Variants in ASZ1 observed in about 807,000 individuals in gnomAD.
The protein encoded by ASZ1 is ankyrin repeat, SAM and basic leucine zipper domain-containing protein 1.
A neutral mutation model predicts 61.8 loss-of-function variants in ASZ1; 67 were observed. That is an observed-to-expected ratio of 1.08 (90% confidence interval 0.89 to 1.33). The LOEUF is 1.33. ASZ1 is among the 40% of genes most tolerant of loss of function. The pLI, the probability that ASZ1 is intolerant of heterozygous loss-of-function variation, is 0.00. For synonymous variants in ASZ1, 193 were observed against 192.7 expected, an observed-to-expected ratio of 1.00 and a Z score of -0.01; for missense variants, 577 against 554.5, an observed-to-expected ratio of 1.04 and a Z score of -0.41.
At chr7:117,397,500 T>G (rs1247550586) in intron 4 of ASZ1, among the ~76,000 whole-genome samples, 2 of 152,186 alleles carry the variant, frequency 1.3e-5, no homozygotes, top group East Asian at 3.8e-4. Flanking sequence ...AAATATCTAG[T>G]GCTGTCACTA....
intron 4 of ASZ1, among the ~76,000 whole-genome samples, chr7:117,416,661 A>G (rs1639211196): frequency 6.6e-6 from 1 of 152,216 alleles, no homozygotes; most frequent in Non-Finnish European, 1.5e-5. Flanking sequence ...TTCTGGAGTG[A>G]TAGAAATATC....
At chr7:117,384,917 C>G in intron 5 of ASZ1, 57 bp from the exon 6 acceptor site, 1 of 1,430,166 alleles carries the variant, frequency 7.0e-7, no homozygotes. Context: ...ATGAGACAGA[C>G]AGGAAAAGTT....
rs1796341553 is a variant in ASZ1 at position 117,385,740 on chromosome 7, A to C, written c.510T>G (p.Ala170=). ...CCTGGGTATTAACTTCTGCTCCATG[A>C]GCAACAAGGAGAGCAACAACCTGGG... is the stretch of plus-strand genomic sequence containing the variant. ...GHTQVVALLV[A]HGAEVNTQDE... The change falls in exon 5 of 13, where the codon GCT becomes GCG. Residue 170 remains alanine (A), a synonymous_variant. Transcript: ENST00000284629. 6.2e-7 allele frequency: 1 copy of C among 1,613,286 alleles called. No homozygotes were observed. Among genetic ancestry groups the C allele is most frequent in the African/African-American group, 1.3e-5 (1 of 75,008 alleles).
chr7:117,393,233 TTA>T (rs1177197934), intron 4 of ASZ1, among the ~76,000 whole-genome samples: 1 of 152,166 alleles, frequency 6.6e-6, no homozygotes, highest in Non-Finnish European at 1.5e-5. Flanking sequence ...TGCATGTAAA[TTA>T]TGTTAAAGTC....
chr7:117,425,366 C>T (rs1797181227), intron 2 of ASZ1, among the ~76,000 whole-genome samples: 1 of 145,074 alleles, frequency 6.9e-6, no homozygotes, highest in East Asian at 2.2e-4. Context: ...CCCGGGTTCA[C>T]GCCATTCTCC....
chr7:117,401,027 G>A (rs904248423), intron 4 of ASZ1, among the ~76,000 whole-genome samples: 2 of 152,122 alleles, frequency 1.3e-5, no homozygotes, highest in Non-Finnish European at 2.9e-5. Context: ...ACCAGGCATC[G>A]TAAATTGTAG....
Position 117,427,450 on chromosome 7 carries a change from C to A in ASZ1, c.11G>T (p.Ser4Ile), listed in dbSNP as rs766996752. Residue 4 changes from serine to isoleucine, a missense_variant, in exon 1 of 13, where the codon AGC becomes ATC. Ser to Ile is a moderately radical substitution (Grantham distance 142). Transcript: ENST00000284629. The stretch of plus-strand genomic sequence containing the variant: ...AGCCACTGGCAGGCCTCGCAGCGCG[C>A]TCGCCGCCATGCCAGCCAAGGAAGC... MAA[S>I]ALRGLPVAGG... 5.0e-6 allele frequency: 8 copies of A among 1,613,720 alleles called. No homozygotes were observed. The African/African-American group carries it at 9.3e-5, about 19-fold the overall frequency.
rs568708136 is a variant in ASZ1, at chr7:117,382,986, C to T, written c.812G>A (p.Ser271Asn). Residue 271 changes from serine to asparagine, a missense_variant and splice_region_variant, in exon 7 of 13, where the codon AGT becomes AAT. Ser to Asn is a conservative substitution (Grantham distance 46). Transcript: ENST00000284629. ...DSDREKDHIF[S>N]SYTAFGDLEV... ...GTTGAACTAAAACATGCTATATTAC[C>T]TAAAAATGTGATCTTTTTCTCTATC... is the stretch of plus-strand genomic sequence containing the variant. 6.4e-7 allele frequency: 1 copy of T among 1,561,292 alleles called. No individual in the cohort carries two copies. The highest frequency in any genetic ancestry group is 2.4e-5 in the East Asian group (1 of 41,944).
intron 6 of ASZ1, among the ~76,000 whole-genome samples, chr7:117,384,055 C>G (rs992446630): frequency 1.3e-5 from 2 of 151,940 alleles, no homozygotes; most frequent in African/African-American, 4.8e-5. Flanking sequence ...CTTTCAAATT[C>G]GGGAACTCAG....
chr7:117,370,002 G>A (rs576867250), intron 10 of ASZ1, among the ~76,000 whole-genome samples: 1 of 152,216 alleles, frequency 6.6e-6, no homozygotes, highest in East Asian at 1.9e-4. Flanking sequence ...CTAGTACATA[G>A]CTGGTGTTCA....
At chr7:117,410,712 A>G (rs1796874428) in intron 4 of ASZ1, among the ~76,000 whole-genome samples, 1 of 151,436 alleles carries the variant, frequency 6.6e-6, no homozygotes, top group African/African-American at 2.4e-5. Context: ...AGGACAGGGT[A>G]TGGAAAGCCT....
chr7:117,390,453 G>A (rs757463527), intron 4 of ASZ1, among the ~76,000 whole-genome samples: 4 of 152,158 alleles, frequency 2.6e-5, no homozygotes, highest in Non-Finnish European at 5.9e-5. Flanking sequence ...ATGGGCATGA[G>A]CCACCATGCC....
intron 4 of ASZ1, among the ~76,000 whole-genome samples, chr7:117,413,742 G>A (rs1336979698): frequency 6.6e-6 from 1 of 151,998 alleles, no homozygotes; most frequent in African/African-American, 2.4e-5. Flanking sequence ...TTAAATCAAT[G>A]CTATTTCCAA....
At chr7:117,402,143 G>T (rs1032886405) in intron 4 of ASZ1, among the ~76,000 whole-genome samples, 3 of 152,110 alleles carry the variant, frequency 2.0e-5, no homozygotes, top group African/African-American at 7.2e-5. Flanking sequence ...AATTAAACCT[G>T]GCTCAGTGAC....
chr7:117,365,987 G>C (rs1795929543), intron 12 of ASZ1, among the ~76,000 whole-genome samples: 1 of 152,238 alleles, frequency 6.6e-6, no homozygotes. Flanking sequence ...TTTTGGGCCA[G>C]GCGCAATGGC....
intron 10 of ASZ1, among the ~76,000 whole-genome samples, chr7:117,374,531 T>C (rs1231969146): frequency 6.6e-6 from 1 of 152,010 alleles, no homozygotes; most frequent in Admixed American, 6.6e-5. Flanking sequence ...TCTACTAACA[T>C]GTAAGGTAGT....
intron 2 of ASZ1, among the ~76,000 whole-genome samples, chr7:117,423,953 T>C (rs1395668361): frequency 6.6e-6 from 1 of 151,902 alleles, no homozygotes; most frequent in East Asian, 1.9e-4. Context: ...TAACATAAAT[T>C]ACTAAGCACA....
chr7:117,426,440 G>C (rs566929828), intron 2 of ASZ1, among the ~76,000 whole-genome samples: 3 of 121,090 alleles, frequency 2.5e-5, no homozygotes, highest in African/African-American at 9.6e-5. Flanking sequence ...AGTGAGCCAA[G>C]ATCGCGCCAC....
chr7:117,380,153 T>C (rs1349128474), intron 9 of ASZ1, 106 bp from the exon 10 acceptor site: 3 of 696,064 alleles, frequency 4.3e-6, no homozygotes, highest in Non-Finnish European at 4.8e-6. Flanking sequence ...CTTGAAAAAA[T>C]AGGCATATAT....
Sources: allele counts gnomAD v4.1 joint callset (sites outside exome capture counted in the v4.1 genomes callset), GRCh38; gene constraint gnomAD v4.1.1; transcripts MANE v1.5; gene names NCBI Gene and HGNC (gene_info 2026-07-23, HGNC 2026-07-21).